ANKRD36C: variants seen among roughly 807,000 people sequenced by gnomAD.
ANKRD36C encodes the protein ankyrin repeat domain-containing protein 36C.
Under a neutral mutation model 276.4 loss-of-function variants are expected in ANKRD36C, and 61 were observed. The ratio of observed to expected loss-of-function variants is 0.22; its 90% CI spans 0.18 to 0.27. ANKRD36C has a LOEUF of 0.27. Ranked by LOEUF, ANKRD36C falls within the 10% of genes least tolerant of loss-of-function variation. The probability of loss-of-function intolerance (pLI) is 1.00; values close to 1 mark genes in which losing one functional copy is unlikely to be tolerated. For synonymous variants in ANKRD36C, 483 were observed against 680.1 expected, an observed-to-expected ratio of 0.71 and a Z score of 4.51; for missense variants, 1,447 against 2,032.3, an observed-to-expected ratio of 0.71 and a Z score of 5.54.
intron 19 of ANKRD36C, among the ~76,000 whole-genome samples, chr2:95,943,778 A>T (rs1253848061): frequency 6.6e-6 from 1 of 151,980 alleles, no homozygotes; most frequent in Non-Finnish European, 1.5e-5. Context: ...CACTAGATAA[A>T]ATATAAGACA....
At chr2:95,874,558 C>T (rs2104305332) in intron 59 of ANKRD36C, among the ~76,000 whole-genome samples, 1 of 152,292 alleles carries the variant, frequency 6.6e-6, no homozygotes, top group Non-Finnish European at 1.5e-5. Flanking sequence ...AAACGTTAGA[C>T]CTAAAACCAT....
chr2:95,903,150 G>A, intron 42 of ANKRD36C, 69 bp from the exon 53 acceptor site: 1 of 1,531,480 alleles, frequency 6.5e-7, no homozygotes. Context: ...TATTCATGCA[G>A]TGTTAGCATC....
intron 1 of ANKRD36C, among the ~76,000 whole-genome samples, chr2:95,989,528 G>T (rs1391090573): frequency 6.6e-6 from 1 of 151,668 alleles, no homozygotes; most frequent in Non-Finnish European, 1.5e-5. Flanking sequence ...CCATCCTATG[G>T]ATGCACTGAA....
chr2:95,908,631 C>T (rs1222894273), intron 42 of ANKRD36C, 38 bp downstream of exon 47: 2 of 1,563,784 alleles, frequency 1.3e-6, no homozygotes, highest in Admixed American at 1.8e-5. Flanking sequence ...ATAGACTATA[C>T]ATTTACTAGT....
rs1047400843 is a variant in ANKRD36C, at chr2:95,987,340, T to A, written c.198-134A>T. 4 of 1,387,458 alleles carry A rather than the reference T, an allele frequency of 2.9e-6. No individual in the cohort carries two copies. The South Asian group carries it at 4.6e-5, about 16-fold the overall frequency. 85.9% of individuals were successfully genotyped at this position (1,387,458 alleles called of 1,614,324 possible). On this transcript the variant is annotated intron_variant, in intron 1 of 66. Coordinates refer to ENST00000456556, the Ensembl canonical transcript of ANKRD36C. ...TTGTTAGCGCTTATTACCACATTAA[T>A]GAAAGAGCAGGCTATTTAATAGAAA...
At chr2:95,856,323 G>A in intron 62 of ANKRD36C, 143 bp from the exon 83 acceptor site, 1 of 1,491,936 alleles carries the variant, frequency 6.7e-7, no homozygotes, top group Admixed American at 2.6e-5. Flanking sequence ...AAGAAGTTGA[G>A]TCAAAACCTC....
intron 56 of ANKRD36C, among the ~76,000 whole-genome samples, chr2:95,881,650 G>C (rs1427541518): frequency 6.6e-6 from 1 of 152,168 alleles, no homozygotes; most frequent in Non-Finnish European, 1.5e-5. Flanking sequence ...AGGCACTGTG[G>C]TTTATCCCAA....
chr2:95,974,959 C>T (rs1450530711), intron 6 of ANKRD36C, among the ~76,000 whole-genome samples: 1 of 151,874 alleles, frequency 6.6e-6, no homozygotes, highest in Non-Finnish European at 1.5e-5. Context: ...CAGCTTTATC[C>T]ATGTCCCTAC....
At chr2:95,962,234 T>C (rs1056570092) in intron 8 of ANKRD36C, 118 bp downstream of exon 8, 15 of 1,246,236 alleles carry the variant, frequency 1.2e-5, no homozygotes, top group Non-Finnish European at 3.3e-6. Flanking sequence ...AAAAGCAGAA[T>C]CTCAGGCCTG....
At chr2:95,988,169 A>G (rs1316143643) in intron 1 of ANKRD36C, among the ~76,000 whole-genome samples, 5 of 151,754 alleles carry the variant, frequency 3.3e-5, no homozygotes, top group Non-Finnish European at 4.4e-5. Flanking sequence ...AAAAAACAAC[A>G]AATTTTTAAA....
intron 36 of ANKRD36C, among the ~76,000 whole-genome samples, chr2:95,916,577 C>T (rs1325455914): frequency 6.6e-6 from 1 of 151,628 alleles, no homozygotes; most frequent in Non-Finnish European, 1.5e-5. Context: ...TACACCATTA[C>T]ACTACAAACA....
chr2:95,887,936 T>G lies in ANKRD36C; in HGVS notation c.3050A>C (p.Gln1017Pro), dbSNP rs6744801. Residue 1017 changes from glutamine to proline, a missense_variant, in exon 50 of 67, where the codon CAA becomes CCA. Gln to Pro is a moderately conservative substitution (Grantham distance 76). This residue lies in a region of ANKRD36C where 565 missense variants were observed against 539.5 expected (regional missense o/e 1.05). Transcript: ENST00000456556. ...TTTTGTGAAATTACCTGTTCCAGAT[T>G]GTTGTCCATCCTTTATTTCTGTGGG... is the stretch of plus-strand genomic sequence containing the variant. 4.4e-3 allele frequency: 6,984 copies of G among 1,592,104 alleles called. 283 individuals carry two copies. The African/African-American group carries it at 0.082, about 19-fold the overall frequency.
chr2:95,910,691 T>C lies in ANKRD36C; in HGVS notation c.2653+1553A>G, dbSNP rs186681266. 1.9e-3 allele frequency: 2,916 copies of C among 1,538,474 alleles called. 7 individuals are homozygous for C. The highest frequency in any genetic ancestry group is 1.8e-3 in the Non-Finnish European group (2,096 of 1,138,606). On this transcript the variant is annotated intron_variant, in intron 42 of 66. Transcript: ENST00000456556. ...TGTATTAGCGCAGGCTTTGATGGCT[T>C]CTACTTTGTGTCTGGGGACTAGAAC...
intron 19 of ANKRD36C, among the ~76,000 whole-genome samples, chr2:95,942,097 C>T (rs999958327): frequency 4.6e-5 from 7 of 152,296 alleles, no homozygotes. Flanking sequence ...AAATTTGAGG[C>T]ACAAAGGGGA....
intron 58 of ANKRD36C, among the ~76,000 whole-genome samples, chr2:95,877,739 TAGAC>T (rs1360591748): frequency 5.1e-5 from 6 of 116,976 alleles, no homozygotes; most frequent in Non-Finnish European, 7.0e-5. Flanking sequence ...TCAGCTTAGA[TAGAC>T]AGTTGTAGAA....
At chr2:95,891,370 C>G (rs1282889130) in intron 46 of ANKRD36C, among the ~76,000 whole-genome samples, 4 of 151,360 alleles carry the variant, frequency 2.6e-5, no homozygotes, top group Non-Finnish European at 5.9e-5. Context: ...TTACTGAAAA[C>G]AAGCTGGAGA....
intron 10 of ANKRD36C, 25 bp downstream of exon 10, chr2:95,960,448 C>T: frequency 6.5e-7 from 1 of 1,540,390 alleles, no homozygotes. Context: ...GTGAACGTGG[C>T]ATTAAATGTG....
chr2:95,937,007 A>C (rs536238206), intron 22 of ANKRD36C, among the ~76,000 whole-genome samples: 196 of 147,330 alleles, frequency 1.3e-3, no homozygotes, highest in African/African-American at 5.1e-3. Flanking sequence ...TTTATTTTAC[A>C]CTGAGGGTTA....
intron 44 of ANKRD36C, among the ~76,000 whole-genome samples, chr2:95,893,076 C>T (rs1676422437): frequency 1.3e-5 from 2 of 151,360 alleles, no homozygotes; most frequent in Admixed American, 1.3e-4. Context: ...TCCTGCCTCA[C>T]AATCCGTCAT....
Sources: allele counts gnomAD v4.1 joint callset (sites outside exome capture counted in the v4.1 genomes callset), GRCh38; gene constraint gnomAD v4.1.1; regional missense constraint gnomAD v4.1.1; transcripts MANE v1.5; gene names NCBI Gene and HGNC (gene_info 2026-07-23, HGNC 2026-07-21).